The following SEMA5A variants were observed in gnomAD, a reference collection of about 807,000 sequenced individuals.
SEMA5A encodes semaphorin 5A.
Under a neutral mutation model 135.5 loss-of-function variants are expected in SEMA5A, and 55 were observed. The observed-to-expected ratio is 0.41, with a 90% CI of 0.33 to 0.51. The LOEUF is 0.51. Among genes scored for constraint, SEMA5A ranks in the 20% least tolerant of loss-of-function variants. SEMA5A has a pLI of 0.37. For synonymous variants in SEMA5A, 580 were observed against 546.5 expected, an observed-to-expected ratio of 1.06 and a Z score of -0.85; for missense variants, 1,290 against 1,419.9, an observed-to-expected ratio of 0.91 and a Z score of 1.47.
At chr5:9,327,493 T>C (rs7713740) in intron 4 of SEMA5A, among the ~76,000 whole-genome samples, 86 of 152,256 alleles carry the variant, frequency 5.6e-4, no homozygotes, top group African/African-American at 2.0e-3. Context: ...ACACTAAAAC[T>C]GAGATCAAAC....
At chr5:9,532,370 T>C (rs1737495748) in intron 1 of SEMA5A, among the ~76,000 whole-genome samples, 2 of 151,838 alleles carry the variant, frequency 1.3e-5, no homozygotes, top group South Asian at 4.2e-4. Flanking sequence ...GGTTCAAGCA[T>C]TTCTCCTGCC....
rs190650525 is a variant in SEMA5A, at chr5:9,149,124, G to A, written c.1481+5364C>T. 3.8e-3 allele frequency among the ~76,000 whole-genome samples: 575 copies of A among 152,240 alleles called. 2 individuals carry two copies. Among genetic ancestry groups the A allele is most frequent in the African/African-American group, 0.013 (524 of 41,530 alleles). Reference sequence around the variant, plus strand: ...TAATAAACTGTCTGGATCTAAAAGCGGATCACACTTTTTTCAACAGACAAA... The same window carrying A: ...TAATAAACTGTCTGGATCTAAAAGCAGATCACACTTTTTTCAACAGACAAA... On this transcript the variant is annotated intron_variant, in intron 12 of 22. Coordinates refer to ENST00000382496, the MANE Select transcript of SEMA5A (RefSeq NM_003966.3).
chr5:9,049,054 T>G (rs1432233566), intron 21 of SEMA5A, among the ~76,000 whole-genome samples: 1 of 152,180 alleles, frequency 6.6e-6, no homozygotes, highest in African/African-American at 2.4e-5. Flanking sequence ...ACAGAGCAGG[T>G]GTTCAGCAAG....
intron 5 of SEMA5A, among the ~76,000 whole-genome samples, chr5:9,310,802 C>T (rs3034556): frequency 7.0e-4 from 103 of 146,230 alleles, no homozygotes; most frequent in African/African-American, 2.4e-3. Flanking sequence ...TGCATATATA[C>T]ATATATATAT....
At chr5:9,164,772 A>C (rs1278964808) in intron 11 of SEMA5A, among the ~76,000 whole-genome samples, 2 of 152,206 alleles carry the variant, frequency 1.3e-5, no homozygotes, top group Non-Finnish European at 2.9e-5. Flanking sequence ...CAAGTACCTA[A>C]AGAAAAGGTC....
intron 3 of SEMA5A, among the ~76,000 whole-genome samples, chr5:9,369,055 C>G (rs72727267): frequency 0.054 from 8,188 of 152,258 alleles, 303 homozygotes; most frequent in South Asian, 0.1. Flanking sequence ...CATATCCTTG[C>G]CAACACTTGG....
chr5:9,247,683 T>C (rs762688524), intron 5 of SEMA5A, among the ~76,000 whole-genome samples: 5 of 152,152 alleles, frequency 3.3e-5, no homozygotes, highest in Non-Finnish European at 7.4e-5. Flanking sequence ...CATATTGATC[T>C]ATTTTCCAGA....
intron 5 of SEMA5A, among the ~76,000 whole-genome samples, chr5:9,310,802 C>CATATATATATATATATATATATATAT (rs59096330): frequency 2.5e-4 from 36 of 146,224 alleles, no homozygotes; most frequent in African/African-American, 8.9e-4. Context: ...TGCATATATA[C>CATATATATATATATATATATATATAT]ATATATATAT....
At chr5:9,219,500 T>A (rs918229434) in intron 8 of SEMA5A, among the ~76,000 whole-genome samples, 1 of 152,126 alleles carries the variant, frequency 6.6e-6, no homozygotes, top group Non-Finnish European at 1.5e-5. Flanking sequence ...AAGTGGGTAA[T>A]TAGGTTAAAA....
In SEMA5A at chr5:9,117,766, C is replaced by T. The variant is rs57328841; in HGVS notation, c.1925+1232G>A. Among the ~76,000 whole-genome samples, 762 of 152,248 alleles carry T rather than the reference C, an allele frequency of 5.0e-3. 6 individuals carry two copies. The highest frequency in any genetic ancestry group is 0.024 in the East Asian group (122 of 5,176). ...TTCATAGCATTTAAAAACTTCCAAC[C>T]AATTTAAAATTGTACAAGGCTTGGA... On this transcript the variant is annotated intron_variant, in intron 15 of 22. Transcript: ENST00000382496.
At chr5:9,383,596 T>C (rs567345834) in intron 2 of SEMA5A, among the ~76,000 whole-genome samples, 85 of 152,252 alleles carry the variant, frequency 5.6e-4, no homozygotes, top group African/African-American at 2.0e-3. Context: ...TGGAGATGGG[T>C]TGGAGCACTG....
chr5:9,056,595 A>G (rs947697813), intron 18 of SEMA5A, among the ~76,000 whole-genome samples: 1 of 152,160 alleles, frequency 6.6e-6, no homozygotes, highest in Non-Finnish European at 1.5e-5. Flanking sequence ...GTTGGTGCAA[A>G]TCTGTCACCC....
chr5:9,219,563 T>C (rs1431485447), intron 8 of SEMA5A, among the ~76,000 whole-genome samples: 3 of 151,992 alleles, frequency 2.0e-5, no homozygotes, highest in Non-Finnish European at 2.9e-5. Flanking sequence ...CTTATAAGAA[T>C]AGGAAATTAG....
At chr5:9,447,403 T>G (rs1758474054) in intron 1 of SEMA5A, among the ~76,000 whole-genome samples, 1 of 152,244 alleles carries the variant, frequency 6.6e-6, no homozygotes, top group Non-Finnish European at 1.5e-5. Context: ...GGAGTCATTT[T>G]AGAATGTTCG....
At chr5:9,173,608 T>A (rs1744047524) in intron 11 of SEMA5A, among the ~76,000 whole-genome samples, 1 of 152,090 alleles carries the variant, frequency 6.6e-6, no homozygotes, top group Non-Finnish European at 1.5e-5. Flanking sequence ...GAGGAATCCA[T>A]CCTCATGACC....
intron 4 of SEMA5A, among the ~76,000 whole-genome samples, chr5:9,323,301 G>A (rs1011514926): frequency 2.6e-5 from 4 of 152,062 alleles, no homozygotes; most frequent in Non-Finnish European, 5.9e-5. Context: ...TTTTATTATG[G>A]CAAATTTAAA....
chr5:9,172,820 T>C (rs1744000304), intron 11 of SEMA5A, among the ~76,000 whole-genome samples: 2 of 152,250 alleles, frequency 1.3e-5, no homozygotes, highest in African/African-American at 4.8e-5. Flanking sequence ...TTTCCTTTCC[T>C]TTCTCTCAAT....
At chr5:9,543,836 G>GA (rs10535269) in intron 1 of SEMA5A, among the ~76,000 whole-genome samples, 2,138 of 144,712 alleles carry the variant, frequency 0.015, 26 homozygotes, top group African/African-American at 0.029. Context: ...TATTTTTCAT[G>GA]AAAAAAAAAA....
At chr5:9,467,701 G>A (rs945078494) in intron 1 of SEMA5A, among the ~76,000 whole-genome samples, 3 of 152,150 alleles carry the variant, frequency 2.0e-5, no homozygotes, top group African/African-American at 4.8e-5. Context: ...AGCTGAGGCA[G>A]GTAGCAGCAG....
Sources: gnomAD v4.1 joint callset for allele counts (sites outside exome capture counted in the v4.1 genomes callset) on GRCh38, gnomAD v4.1.1 for gene constraint, MANE v1.5 for transcripts, NCBI Gene and HGNC (gene_info 2026-07-23, HGNC 2026-07-21) for gene names.